TRMT13: variants seen among roughly 807,000 people sequenced by gnomAD.
TRMT13 encodes the protein tRNA methyltransferase 13.
Under a neutral mutation model 55.9 loss-of-function variants are expected in TRMT13, and 45 were observed. The observed-to-expected ratio is 0.80, with a 90% CI of 0.63 to 1.03. The LOEUF is 1.03. Ranked by LOEUF, TRMT13 falls within the 50% of genes least tolerant of loss-of-function variation. TRMT13 has a pLI of 0.00. For missense variants in TRMT13, 513 were observed against 563.9 expected (o/e 0.91, Z 0.91); for synonymous variants, 183 against 196.3 (o/e 0.93, Z 0.57).
chr1:100,147,413 C>G (rs991667381), intron 9 of TRMT13, among the ~76,000 whole-genome samples: 1 of 152,208 alleles, frequency 6.6e-6, no homozygotes. Context: ...TTCAGTTCAT[C>G]ACTATTTGCT....
intron 3 of TRMT13, among the ~76,000 whole-genome samples, chr1:100,139,064 T>G (rs756181885): frequency 6.6e-6 from 1 of 152,220 alleles, no homozygotes; most frequent in Non-Finnish European, 1.5e-5. Flanking sequence ...CCTCCCAAAG[T>G]GCTAGGATTA....
intron 1 of TRMT13, 37 bp downstream of exon 1, chr1:100,133,352 A>G: frequency 1.2e-6 from 2 of 1,605,892 alleles, no homozygotes; most frequent in Non-Finnish European, 1.7e-6. Flanking sequence ...AGTCGGAAAT[A>G]AGTATCCTGG....
At chr1:100,139,568 A>G in intron 3 of TRMT13, 81 bp from the exon 4 acceptor site, 1 of 808,320 alleles carries the variant, frequency 1.2e-6, no homozygotes, top group Non-Finnish European at 2.1e-6. Context: ...GCAGGGGATA[A>G]AGGGAAGAAT....
chr1:100,138,104 G>T (rs1028830976), intron 3 of TRMT13, among the ~76,000 whole-genome samples: 1 of 152,142 alleles, frequency 6.6e-6, no homozygotes, highest in Non-Finnish European at 1.5e-5. Flanking sequence ...GCAAGGAAAT[G>T]GAGAAAAGCG....
intron 3 of TRMT13, among the ~76,000 whole-genome samples, chr1:100,138,949 A>G (rs951684327): frequency 6.6e-6 from 1 of 152,080 alleles, no homozygotes; most frequent in Admixed American, 6.6e-5. Flanking sequence ...GAAAGATTTC[A>G]TTATGTGTGT....
chr1:100,143,068 T>C lies in TRMT13; in HGVS notation c.670-69T>C, dbSNP rs1656812481. 12 of 1,056,394 alleles carry C rather than the reference T, an allele frequency of 1.1e-5. No individual in the cohort carries two copies. The East Asian group carries it at 3.1e-4, about 28-fold the overall frequency. 65.4% of individuals were successfully genotyped at this position (1,056,394 alleles called of 1,614,324 possible). ...TCTGAATTTTGAAAACCAATAAAAA[T>C]CTTTTTATTTTCATAAAGCTTTTTT... On this transcript the variant is annotated intron_variant, in intron 7 of 10. Transcript: ENST00000370141.
rs1367281717 is a variant in TRMT13, at chr1:100,133,237, G to A, written c.69G>A (p.Val23=). The stretch of plus-strand genomic sequence containing the variant: ...CTGAGGGTAGATGCGGTTACTATGT[G>A]GAAAAGAAGAAACGGTTCTGCAGGA... ...FPAEGRCGYY[V]EKKKRFCRMV... Residue 23 remains valine, a synonymous_variant, in exon 1 of 11, where the codon GTG becomes GTA. Transcript: ENST00000370141. 1.9e-6 allele frequency: 3 copies of A among 1,614,180 alleles called. No homozygotes were observed. The highest frequency in any genetic ancestry group is 2.5e-6 in the Non-Finnish European group (3 of 1,180,026).
chr1:100,141,530 C>A (rs528736953), intron 7 of TRMT13, among the ~76,000 whole-genome samples: 1 of 152,152 alleles, frequency 6.6e-6, no homozygotes, highest in Non-Finnish European at 1.5e-5. Flanking sequence ...CAGGGTCTCA[C>A]TTTGTCGCCC....
At chr1:100,138,327 T>A (rs1182432056) in intron 3 of TRMT13, among the ~76,000 whole-genome samples, 1 of 152,222 alleles carries the variant, frequency 6.6e-6, no homozygotes, top group Non-Finnish European at 1.5e-5. Context: ...AAAAATCTAA[T>A]CTACAACGTA....
At chr1:100,148,462 CTT>C in intron 10 of TRMT13, 136 bp downstream of exon 10, 1 of 1,101,978 alleles carries the variant, frequency 9.1e-7, no homozygotes, top group Non-Finnish European at 1.3e-6. Context: ...ATATACACAT[CTT>C]TTATTGTGGT....
intron 8 of TRMT13, 110 bp from the exon 9 acceptor site, chr1:100,143,959 G>A: frequency 1.2e-6 from 1 of 856,160 alleles, no homozygotes; most frequent in Non-Finnish European, 1.9e-6. Context: ...ATTTTTGTTT[G>A]AGTCTCTTTC....
At position 100,144,063 on chromosome 1, in the gene TRMT13, T is replaced by C; in HGVS notation, c.743-6T>C. The C allele has an allele frequency of 6.2e-7, 1 of 1,610,714 alleles. No individual in the cohort carries two copies. Among genetic ancestry groups the C allele is most frequent in the Non-Finnish European group, 8.5e-7 (1 of 1,177,116 alleles). On this transcript the variant is annotated splice_region_variant and splice_polypyrimidine_tract_variant and intron_variant, in intron 8 of 10. Coordinates refer to ENST00000370141, the MANE Select transcript of TRMT13 (RefSeq NM_019083.3). ...ACTAGACAGTTAATTCTCATTTCCA[T>C]TTCAGACAAGATTCCTGTGCTAAGA...
At chr1:100,139,912 G>T (rs1570736568) in intron 4 of TRMT13, among the ~76,000 whole-genome samples, 1 of 152,166 alleles carries the variant, frequency 6.6e-6, no homozygotes, top group African/African-American at 2.4e-5. Context: ...CTACAATATG[G>T]CCCTGAATCC....
chr1:100,145,369 T>C (rs961367337), intron 9 of TRMT13, among the ~76,000 whole-genome samples: 2 of 151,980 alleles, frequency 1.3e-5, no homozygotes, highest in African/African-American at 4.8e-5. Context: ...TAGGAGGGAG[T>C]ACACTCTTTT....
chr1:100,146,459 A>G (rs532046476), intron 9 of TRMT13, among the ~76,000 whole-genome samples: 2 of 152,126 alleles, frequency 1.3e-5, no homozygotes, highest in South Asian at 4.1e-4. Flanking sequence ...TAAAAGATGA[A>G]TTGAGATAAA....
chr1:100,148,955 G>T lies in TRMT13; in HGVS notation c.*135G>T. On this transcript the variant is annotated 3_prime_UTR_variant, in exon 11 of 11. Coordinates refer to ENST00000370141, the MANE Select transcript of TRMT13 (RefSeq NM_019083.3). Reference sequence around the variant, plus strand: ...AAATGCTGTGGCCTCATTAAACTTTGGTAATAGCTTTTCTTTTTACTTCAG... The same window carrying T: ...AAATGCTGTGGCCTCATTAAACTTTTGTAATAGCTTTTCTTTTTACTTCAG... 7.9e-7 allele frequency: 1 copy of T among 1,271,032 alleles called. No individual in the cohort carries two copies. Among genetic ancestry groups the T allele is most frequent in the Non-Finnish European group, 1.1e-6 (1 of 949,992 alleles). The allele number at this position is 1,271,032 out of a possible 1,614,324, so 78.7% of individuals were successfully genotyped here.
At chr1:100,137,163 T>C in intron 3 of TRMT13, 78 bp downstream of exon 3, 1 of 1,253,544 alleles carries the variant, frequency 8.0e-7, no homozygotes. Context: ...TGGAATGTAC[T>C]TGTTTCATAG....
In TRMT13 at chr1:100,143,312, A is replaced by G. The variant is rs1570743039; in HGVS notation, c.742+103A>G. The G allele has an allele frequency of 4.8e-6, 3 of 620,334 alleles. No homozygotes were observed. In the East Asian group the frequency reaches 8.5e-5, roughly 18 times the overall value. 38.4% of individuals were successfully genotyped at this position (620,334 alleles called of 1,614,324 possible). A position where few individuals can be genotyped will look rare whatever the true frequency, so the allele number is the denominator to read the frequency against. On this transcript the variant is annotated intron_variant, in intron 8 of 10. Coordinates refer to ENST00000370141, the MANE Select transcript of TRMT13 (RefSeq NM_019083.3). The stretch of plus-strand genomic sequence containing the variant: ...CATGCAGAACTGTGCTTCAGGGAAA[A>G]CAGTCAAATCAATTCATTGTTAATA...
chr1:100,144,460 C>T (rs1656983831), intron 9 of TRMT13: 1 of 171,108 alleles, frequency 5.8e-6, no homozygotes, highest in African/African-American at 2.4e-5. Flanking sequence ...CACCTAGAAG[C>T]TACTGATTTT....
Sources: allele counts gnomAD v4.1 joint callset (sites outside exome capture counted in the v4.1 genomes callset), GRCh38; gene constraint gnomAD v4.1.1; transcripts MANE v1.5; gene names NCBI Gene and HGNC (gene_info 2026-07-23, HGNC 2026-07-21).